The following PREX2 variants were observed in gnomAD, a reference collection of about 807,000 sequenced individuals.
The protein encoded by PREX2 is phosphatidylinositol-3,4,5-trisphosphate dependent Rac exchange factor 2.
PREX2 carries 107 observed loss-of-function variants against 203.2 expected under a neutral mutation model. The observed-to-expected ratio is 0.53, with a 90% confidence interval of 0.45 to 0.62. PREX2 has a LOEUF of 0.62. Ranked by LOEUF, PREX2 falls within the 20% of genes least tolerant of loss-of-function variation. PREX2 has a pLI of 0.00. For synonymous variants in PREX2, 672 were observed against 663.6 expected (o/e 1.01, Z -0.19); for missense variants, 1,777 against 1,955.9 (o/e 0.91, Z 1.72).
At chr8:68,042,969 A>C (rs1160394595) in intron 7 of PREX2, among the ~76,000 whole-genome samples, 2 of 152,128 alleles carry the variant, frequency 1.3e-5, no homozygotes, top group African/African-American at 4.8e-5. Context: ...CCTGTGACTA[A>C]AACTGTTAAG....
intron 1 of PREX2, among the ~76,000 whole-genome samples, chr8:67,985,693 A>T (rs990057715): frequency 3.9e-5 from 6 of 152,210 alleles, no homozygotes; most frequent in African/African-American, 1.4e-4. Flanking sequence ...CGCTGAGTAC[A>T]GTAGGCTGTA....
chr8:68,010,303 G>C (rs1036617601), intron 1 of PREX2, among the ~76,000 whole-genome samples: 3 of 152,144 alleles, frequency 2.0e-5, no homozygotes, highest in African/African-American at 7.2e-5. Context: ...TCGATACCTT[G>C]AATTATAATA....
In PREX2 at chr8:68,236,845, T is replaced by C. The variant is rs1317465481; in HGVS notation, c.*5467T>C. The C allele has an allele frequency of 6.6e-6, 1 of 152,114 alleles. No individual in the cohort carries two copies. Among genetic ancestry groups the C allele is most frequent in the Non-Finnish European group, 1.5e-5 (1 of 67,976 alleles). The allele number at this position is 152,114 out of a possible 1,614,324, so 9.4% of individuals were successfully genotyped here. ...TCATCTGGATGTGTTATTATAAAAG[T>C]CATCTTTTTTTCCTTTGTAAAATAT... On this transcript the variant is annotated 3_prime_UTR_variant, in exon 40 of 40. Coordinates refer to ENST00000288368, the MANE Select transcript of PREX2 (RefSeq NM_024870.4).
rs183358796 is a variant in PREX2 at position 68,019,951 on chromosome 8, T to A, written c.336+280T>A. Among the ~76,000 whole-genome samples, 50 of 152,348 alleles carry A rather than the reference T, an allele frequency of 3.3e-4. 1 individual carries two copies. Among genetic ancestry groups the A allele is most frequent in the Admixed American group, 5.9e-4 (9 of 15,304 alleles). Reference sequence around the variant, plus strand: ...TGAATTCTAATGAATATTCAGGCTGTTCATAATGAATGAATTTTTATGTTT... The same window carrying A: ...TGAATTCTAATGAATATTCAGGCTGATCATAATGAATGAATTTTTATGTTT... On this transcript the variant is annotated intron_variant, in intron 3 of 39. Transcript: ENST00000288368.
Position 68,017,932 on chromosome 8 carries a change from C to T in PREX2, c.213+15C>T. The T allele has an allele frequency of 6.2e-7, 1 of 1,604,920 alleles. No individual in the cohort carries two copies. The highest frequency in any genetic ancestry group is 8.5e-7 in the Non-Finnish European group (1 of 1,173,880). ...AAACAGTGAAGGTGAGGAGGTACAA[C>T]TGGCCTTCAACCTGAGCATGAGTTT... On this transcript the variant is annotated intron_variant, in intron 2 of 39. Coordinates refer to ENST00000288368, the MANE Select transcript of PREX2 (RefSeq NM_024870.4).
intron 2 of PREX2, among the ~76,000 whole-genome samples, chr8:68,019,282 T>C (rs1294905915): frequency 2.6e-5 from 4 of 152,232 alleles, no homozygotes; most frequent in African/African-American, 9.6e-5. Context: ...CTGGTTTCCA[T>C]GCAGCCCAGC....
Position 67,971,415 on chromosome 8 carries a change from G to T in PREX2, c.141+18880G>T, listed in dbSNP as rs1486837957. Among the ~76,000 whole-genome samples, 6 of 152,268 alleles carry T rather than the reference G, an allele frequency of 3.9e-5. No individual in the cohort carries two copies. The East Asian group carries it at 1.2e-3, about 29-fold the overall frequency. On this transcript the variant is annotated intron_variant, in intron 1 of 39. Coordinates refer to ENST00000288368, the MANE Select transcript of PREX2 (RefSeq NM_024870.4). ...TGCGGGGAGAGAGGGTGGAAGTCAA[G>T]AATTGCTATTTTTAAAAAGCTCCCC...
Position 67,952,332 on chromosome 8 carries a change from A to C in PREX2, c.-63A>C, listed in dbSNP as rs544685768. ...TTCTCGCCGCCGGGGGCCGGGCAGCAGCGGGCGCGCGGGTCAGCGCTCAGC... is the reference window on the plus strand; with the variant it reads ...TTCTCGCCGCCGGGGGCCGGGCAGCCGCGGGCGCGCGGGTCAGCGCTCAGC... On this transcript the variant is annotated 5_prime_UTR_variant, in exon 1 of 40. Transcript: ENST00000288368. 6.8e-6 allele frequency: 9 copies of C among 1,322,780 alleles called. No homozygotes were observed. The African/African-American group carries it at 1.4e-4, about 21-fold the overall frequency. 81.9% of individuals were successfully genotyped at this position (1,322,780 alleles called of 1,614,324 possible). A position where few individuals can be genotyped will look rare whatever the true frequency, so the allele number is the denominator to read the frequency against.
intron 14 of PREX2, among the ~76,000 whole-genome samples, chr8:68,076,889 C>T (rs538563465): frequency 1.3e-5 from 2 of 151,858 alleles, no homozygotes; most frequent in East Asian, 3.9e-4. Flanking sequence ...TATTTGCTAG[C>T]TCAGCCAAAC....
At position 67,952,367 on chromosome 8, in the gene PREX2, A is replaced by G; in HGVS notation, c.-28A>G. The G allele has an allele frequency of 6.7e-7, 1 of 1,502,222 alleles. No homozygotes were observed. Among genetic ancestry groups the G allele is most frequent in the Non-Finnish European group, 8.9e-7 (1 of 1,127,874 alleles). The allele number at this position is 1,502,222 out of a possible 1,614,324, so 93.1% of individuals were successfully genotyped here. A position where few individuals can be genotyped will look rare whatever the true frequency, so the allele number is the denominator to read the frequency against. ...CGGGTCAGCGCTCAGCACGGCGGGCAGCGCCGCGCTGCGCACCGCCGCCGA... is the reference window on the plus strand; with the variant it reads ...CGGGTCAGCGCTCAGCACGGCGGGCGGCGCCGCGCTGCGCACCGCCGCCGA... On this transcript the variant is annotated 5_prime_UTR_variant, in exon 1 of 40. Transcript: ENST00000288368.
intron 34 of PREX2, among the ~76,000 whole-genome samples, chr8:68,150,662 T>G (rs1477295221): frequency 6.6e-6 from 1 of 152,186 alleles, no homozygotes; most frequent in African/African-American, 2.4e-5. Context: ...AGGTGGCGAT[T>G]GATCTTCTTG....
chr8:68,046,227 C>G (rs940294711), intron 8 of PREX2, among the ~76,000 whole-genome samples: 1 of 151,964 alleles, frequency 6.6e-6, no homozygotes, highest in Admixed American at 6.6e-5. Flanking sequence ...CTTTACTCCC[C>G]GTGATGTCAG....
chr8:68,219,631 C>G (rs954394090), intron 38 of PREX2, among the ~76,000 whole-genome samples: 1 of 152,146 alleles, frequency 6.6e-6, no homozygotes, highest in African/African-American at 2.4e-5. Context: ...CTATGAGAGG[C>G]AAAGAAATAA....
intron 8 of PREX2, among the ~76,000 whole-genome samples, chr8:68,045,203 A>C (rs1004892066): frequency 6.6e-6 from 1 of 152,140 alleles, no homozygotes. Context: ...AAGTAAAGTT[A>C]AAATAAATTG....
chr8:68,233,903 T>C lies in PREX2; in HGVS notation c.*2525T>C, dbSNP rs35741702. On this transcript the variant is annotated 3_prime_UTR_variant, in exon 40 of 40. Coordinates refer to ENST00000288368, the MANE Select transcript of PREX2 (RefSeq NM_024870.4). ...GATGATTTGTAAGTAAATTTGGAGTTATGCGGCATGTGTTGTCATTAAATT... is the reference window on the plus strand; with the variant it reads ...GATGATTTGTAAGTAAATTTGGAGTCATGCGGCATGTGTTGTCATTAAATT... 0.27 allele frequency: 41,507 copies of C among 152,092 alleles called. 6,184 individuals carry two copies. The highest frequency in any genetic ancestry group is 0.46 in the South Asian group (2,211 of 4,816). The allele number at this position is 152,092 out of a possible 1,614,324, so 9.4% of individuals were successfully genotyped here.
intron 1 of PREX2, among the ~76,000 whole-genome samples, chr8:68,009,977 A>C (rs567911282): frequency 3.3e-5 from 5 of 152,322 alleles, no homozygotes; most frequent in Admixed American, 2.0e-4. Context: ...TCTCATTGAA[A>C]TTAAAGCTGT....
chr8:68,158,155 A>ATG (rs1471866786), intron 35 of PREX2, among the ~76,000 whole-genome samples: 8 of 150,056 alleles, frequency 5.3e-5, no homozygotes, highest in Non-Finnish European at 1.2e-4. Context: ...ATGAATATAT[A>ATG]TGTGTATATA....
chr8:68,178,626 CTGCATA>C lies in PREX2; in HGVS notation c.4347-13092_4347-13087del, dbSNP rs539887183. On this transcript the variant is annotated intron_variant, in intron 35 of 39. Coordinates refer to ENST00000288368, the MANE Select transcript of PREX2 (RefSeq NM_024870.4). ...CTCTTTCCATGTATTTTAATAAACA[CTGCATA>C]TGCCAATATTTAAAGTTTTTAATAT... Among the ~76,000 whole-genome samples the C allele has an allele frequency of 3.6e-3, 544 of 152,178 alleles. 4 individuals carry two copies. Among genetic ancestry groups the C allele is most frequent in the African/African-American group, 0.012 (515 of 41,534 alleles).
At chr8:68,157,267 G>C in intron 34 of PREX2, 55 bp from the exon 35 acceptor site, 1 of 874,452 alleles carries the variant, frequency 1.1e-6, no homozygotes, top group Non-Finnish European at 1.8e-6. Context: ...TATACTACAC[G>C]TGGAGAAATT....
Sources: allele counts gnomAD v4.1 joint callset (sites outside exome capture counted in the v4.1 genomes callset), GRCh38; gene constraint gnomAD v4.1.1; transcripts MANE v1.5; gene names NCBI Gene and HGNC (gene_info 2026-07-23, HGNC 2026-07-21).